Variants in PTAR1 observed in about 807,000 individuals in gnomAD.
The protein encoded by PTAR1 is protein prenyltransferase alpha subunit repeat containing 1, also known as protein prenyltransferase alpha subunit repeat-containing protein 1.
In PTAR1, 17 loss-of-function variants were observed where a neutral mutation model predicts 45.5. That is an observed-to-expected ratio of 0.37 (90% CI 0.26 to 0.56). The LOEUF is 0.56. Among genes scored for constraint, PTAR1 ranks in the 20% least tolerant of loss-of-function variants. The pLI is 0.77. For missense variants in PTAR1, 391 were observed against 476.3 expected (o/e 0.82, Z 1.67); for synonymous variants, 169 against 171.3 (o/e 0.99, Z 0.11).
At position 69,710,241 on chromosome 9, in the gene PTAR1, A is replaced by T. The variant is rs1442990390; in HGVS notation, c.*8101T>A. ...GAGATGTGCTGTGAGTGCAAAATAC[A>T]CTCAAATCTAAGACTTAGTATGGAA... On this transcript the variant is annotated 3_prime_UTR_variant, in exon 8 of 8. Coordinates refer to ENST00000340434, the MANE Select transcript of PTAR1 (RefSeq NM_001099666.2). 6.6e-6 allele frequency: 1 copy of T among 152,118 alleles called. No homozygotes were observed. The highest frequency in any genetic ancestry group is 1.5e-5 in the Non-Finnish European group (1 of 67,990). 9.4% of individuals were successfully genotyped at this position (152,118 alleles called of 1,614,324 possible). A position where few individuals can be genotyped will look rare whatever the true frequency, so the allele number is the denominator to read the frequency against.
At chr9:69,735,472 T>C (rs1825744932) in intron 3 of PTAR1, among the ~76,000 whole-genome samples, 1 of 152,120 alleles carries the variant, frequency 6.6e-6, no homozygotes, top group Admixed American at 6.6e-5. Flanking sequence ...GAAAGCAATT[T>C]TTTCCCCAAA....
At chr9:69,758,733 T>A (rs1219840878) in intron 1 of PTAR1, 2 of 378,638 alleles carry the variant, frequency 5.3e-6, no homozygotes, top group African/African-American at 2.1e-5. Flanking sequence ...TTTGGTAAGA[T>A]ACACGTTTGG....
Position 69,716,579 on chromosome 9 carries a change from TAACTC to T in PTAR1, c.*1758_*1762del, listed in dbSNP as rs1182177518. The T allele has an allele frequency of 6.6e-6, 1 of 152,158 alleles. No homozygotes were observed. Among genetic ancestry groups the T allele is most frequent in the Admixed American group, 6.6e-5 (1 of 15,256 alleles). 9.4% of individuals were successfully genotyped at this position (152,158 alleles called of 1,614,324 possible). Reference sequence around the variant, plus strand: ...TTCTTCTTCTTTAAGGCAGTCTACCTAACTCAAGTCCAGGCTTTCCGTAACAGTGA... The same window carrying T: ...TTCTTCTTCTTTAAGGCAGTCTACCTAAGTCCAGGCTTTCCGTAACAGTGA... On this transcript the variant is annotated 3_prime_UTR_variant, in exon 8 of 8. Coordinates refer to ENST00000340434, the MANE Select transcript of PTAR1 (RefSeq NM_001099666.2).
chr9:69,726,415 T>C (rs186618530), intron 5 of PTAR1, among the ~76,000 whole-genome samples: 1 of 152,252 alleles, frequency 6.6e-6, no homozygotes, highest in African/African-American at 2.4e-5. Context: ...CATTCCTGTG[T>C]TTGTTTCTAC....
chr9:69,756,866 TC>T (rs1798360420), intron 1 of PTAR1, among the ~76,000 whole-genome samples: 1 of 152,204 alleles, frequency 6.6e-6, no homozygotes, highest in African/African-American at 2.4e-5. Context: ...GCACTATGCA[TC>T]ACAGTAGTCA....
chr9:69,741,437 C>A (rs1467295955), intron 3 of PTAR1: 2 of 189,340 alleles, frequency 1.1e-5, no homozygotes, highest in African/African-American at 2.3e-5. Flanking sequence ...TTCCACTACA[C>A]TGCAGTGCTT....
chr9:69,726,356 A>C (rs1825278412), intron 5 of PTAR1, among the ~76,000 whole-genome samples: 1 of 152,094 alleles, frequency 6.6e-6, no homozygotes, highest in Non-Finnish European at 1.5e-5. Context: ...ATTATTCTAT[A>C]ATTTTTAACT....
At chr9:69,756,870 A>T (rs1291032470) in intron 1 of PTAR1, among the ~76,000 whole-genome samples, 2 of 152,218 alleles carry the variant, frequency 1.3e-5, no homozygotes, top group African/African-American at 4.8e-5. Context: ...TATGCATCAC[A>T]GTAGTCACTA....
intron 1 of PTAR1, chr9:69,758,678 G>T: frequency 2.4e-6 from 1 of 412,950 alleles, no homozygotes; most frequent in Non-Finnish European, 5.0e-6. Context: ...ACATCCAACG[G>T]CTTCTTAACT....
At chr9:69,735,604 C>T (rs1027207968) in intron 3 of PTAR1, among the ~76,000 whole-genome samples, 1 of 152,132 alleles carries the variant, frequency 6.6e-6, no homozygotes, top group Admixed American at 6.6e-5. Flanking sequence ...ATACAATTTA[C>T]ATTTAATTTC....
At chr9:69,735,324 T>C (rs1825736306) in intron 3 of PTAR1, among the ~76,000 whole-genome samples, 1 of 152,176 alleles carries the variant, frequency 6.6e-6, no homozygotes, top group South Asian at 2.1e-4. Flanking sequence ...CCATATAACC[T>C]ACACACATCC....
chr9:69,747,828 G>A (rs1038163824), intron 2 of PTAR1, among the ~76,000 whole-genome samples: 6 of 152,160 alleles, frequency 3.9e-5, no homozygotes, highest in Non-Finnish European at 8.8e-5. Context: ...TTCAGCCTGT[G>A]TGCTAAGAAT....
In PTAR1 at chr9:69,716,401, T is replaced by C. The variant is rs766494096; in HGVS notation, c.*1941A>G. 2.0e-5 allele frequency: 3 copies of C among 152,108 alleles called. No individual in the cohort carries two copies. The highest frequency in any genetic ancestry group is 1.9e-4 in the East Asian group (1 of 5,198). The allele number at this position is 152,108 out of a possible 1,614,324, so 9.4% of individuals were successfully genotyped here. On this transcript the variant is annotated 3_prime_UTR_variant, in exon 8 of 8. Coordinates refer to ENST00000340434, the MANE Select transcript of PTAR1 (RefSeq NM_001099666.2). ...ATGGTATTTTTTCATCTAAATAATA[T>C]AAAAGCTATAAAAAGGTAATTTTTT...
chr9:69,712,291 CA>C lies in PTAR1; in HGVS notation c.*6050del, dbSNP rs1195596326. 3.9e-5 allele frequency: 6 copies of C among 152,238 alleles called. No individual in the cohort carries two copies. Among genetic ancestry groups the C allele is most frequent in the Middle Eastern group, 3.4e-3 (1 of 294 alleles). 9.4% of individuals were successfully genotyped at this position (152,238 alleles called of 1,614,324 possible). A position where few individuals can be genotyped will look rare whatever the true frequency, so the allele number is the denominator to read the frequency against. ...CTAAAGACTTAATATGAACAGTTTA[CA>C]TAACTATCTGGTTAATTTGGGCAAA... On this transcript the variant is annotated 3_prime_UTR_variant, in exon 8 of 8. Transcript: ENST00000340434.
intron 2 of PTAR1, 142 bp downstream of exon 2, chr9:69,750,639 A>C (rs1388823972): frequency 3.5e-6 from 2 of 573,876 alleles, no homozygotes; most frequent in African/African-American, 3.9e-5. Context: ...CTCACTTGAC[A>C]GAAAGGTTAG....
intron 2 of PTAR1, among the ~76,000 whole-genome samples, chr9:69,749,440 T>C (rs1470021698): frequency 6.6e-6 from 1 of 152,144 alleles, no homozygotes; most frequent in Non-Finnish European, 1.5e-5. Context: ...AGCACGGTGA[T>C]GGAATGCAGA....
At chr9:69,721,763 G>A (rs191746751) in intron 6 of PTAR1, among the ~76,000 whole-genome samples, 79 of 152,226 alleles carry the variant, frequency 5.2e-4, no homozygotes, top group African/African-American at 1.7e-3. Flanking sequence ...CTGAAGGGTC[G>A]GATGATCGTT....
chr9:69,738,771 T>C (rs970788958), intron 3 of PTAR1, among the ~76,000 whole-genome samples: 27 of 151,746 alleles, frequency 1.8e-4, no homozygotes, highest in Admixed American at 3.3e-4. Flanking sequence ...AATTAAATTG[T>C]TTTTTATCTA....
chr9:69,737,780 C>A (rs373160801), intron 3 of PTAR1, among the ~76,000 whole-genome samples: 2 of 152,118 alleles, frequency 1.3e-5, no homozygotes, highest in African/African-American at 4.8e-5. Context: ...TAAATATCAT[C>A]ATTGAGCCAT....
Sources: allele counts gnomAD v4.1 joint callset (sites outside exome capture counted in the v4.1 genomes callset), GRCh38; gene constraint gnomAD v4.1.1; transcripts MANE v1.5; gene names NCBI Gene and HGNC (gene_info 2026-07-23, HGNC 2026-07-21).